Variants in CSNK2A1 observed in about 807,000 individuals in gnomAD.
CSNK2A1 encodes the protein casein kinase II subunit alpha.
A neutral mutation model predicts 62.9 loss-of-function variants in CSNK2A1; 10 were observed. The observed-to-expected ratio is 0.16, with a 90% CI of 0.10 to 0.27. The LOEUF (loss-of-function observed/expected upper bound fraction) is 0.27, where lower values mean the gene tolerates loss of function less well. Among genes scored for constraint, CSNK2A1 ranks in the 10% least tolerant of loss-of-function variants. The pLI is 1.00. For missense variants in CSNK2A1, 160 were observed against 492.0 expected (o/e 0.33, Z 6.38); for synonymous variants, 124 against 167.8 (o/e 0.74, Z 2.02).
intron 2 of CSNK2A1, among the ~76,000 whole-genome samples, chr20:519,090 C>CAT (rs2018890446): frequency 6.6e-6 from 1 of 151,960 alleles, no homozygotes; most frequent in Non-Finnish European, 1.5e-5. Flanking sequence ...TGCATGCCAC[C>CAT]ATGCCCGGCT....
At chr20:505,626 T>A (rs975655740) in intron 3 of CSNK2A1, among the ~76,000 whole-genome samples, 1 of 151,280 alleles carries the variant, frequency 6.6e-6, no homozygotes, top group African/African-American at 2.4e-5. Flanking sequence ...CCTCCCAAAG[T>A]GCTGGGATTA....
At chr20:500,209 A>G in intron 4 of CSNK2A1, 1 of 357,718 alleles carries the variant, frequency 2.8e-6, no homozygotes, top group Non-Finnish European at 5.1e-6. Flanking sequence ...TCTTGATGTT[A>G]ATGTTTTAAA....
In CSNK2A1 at chr20:499,743, T is replaced by C; in HGVS notation, c.315+90A>G. 8.4e-7 allele frequency: 1 copy of C among 1,184,882 alleles called. No individual in the cohort carries two copies. 73.4% of individuals were successfully genotyped at this position (1,184,882 alleles called of 1,614,324 possible). ...TCAAAGCAGGACTTAATGATGAGGG[T>C]TGGGGGAGGGAACAAAAAGAGGCCA... On this transcript the variant is annotated intron_variant, in intron 5 of 13. Coordinates refer to ENST00000217244, the MANE Select transcript of CSNK2A1 (RefSeq NM_177559.3). The surrounding 1 kb of genome is among the most constrained non-coding windows in gnomAD (Gnocchi z 4.2).
chr20:511,345 A>T lies in CSNK2A1; in HGVS notation c.-109-2685T>A, dbSNP rs185607689. Reference sequence around the variant, plus strand: ...ACAGGAGAGAGACCTCATCTAAAAAAAATAAAAACTGCCATTTTATCCACA... The same window carrying T: ...ACAGGAGAGAGACCTCATCTAAAAATAATAAAAACTGCCATTTTATCCACA... On this transcript the variant is annotated intron_variant, in intron 2 of 13. Coordinates refer to ENST00000217244, the MANE Select transcript of CSNK2A1 (RefSeq NM_177559.3). Among the ~76,000 whole-genome samples the T allele has an allele frequency of 5.3e-5, 8 of 152,278 alleles. No individual in the cohort carries two copies. The East Asian group carries it at 1.6e-3, about 30-fold the overall frequency.
Position 480,793 on chromosome 20 carries a change from C to T in CSNK2A1, c.*3168G>A, listed in dbSNP as rs935574872. On this transcript the variant is annotated 3_prime_UTR_variant, in exon 14 of 14. Coordinates refer to ENST00000217244, the MANE Select transcript of CSNK2A1 (RefSeq NM_177559.3). ...TCAAGAGATGCTTAAATGGTCAATT[C>T]TAATTATAACCATACTTGTCAAAAG... 1 of 152,158 alleles carries T rather than the reference C, an allele frequency of 6.6e-6. No individual in the cohort carries two copies. Among genetic ancestry groups the T allele is most frequent in the Admixed American group, 6.5e-5 (1 of 15,272 alleles). 9.4% of individuals were successfully genotyped at this position (152,158 alleles called of 1,614,324 possible).
chr20:505,088 A>G (rs1235074421), intron 4 of CSNK2A1, 30 bp downstream of exon 4: 1 of 1,556,054 alleles, frequency 6.4e-7, no homozygotes. Flanking sequence ...CTATATTCCA[A>G]ATACCTCTGA....
intron 11 of CSNK2A1, chr20:487,841 C>T (rs1023869451): frequency 1.9e-5 from 9 of 485,836 alleles, no homozygotes; most frequent in South Asian, 4.9e-5. Context: ...AGGACGTGAC[C>T]GCTTCTGTGT....
intron 3 of CSNK2A1, chr20:506,067 G>GGC (rs2018584369): frequency 1.3e-5 from 2 of 151,526 alleles, no homozygotes; most frequent in Admixed American, 6.6e-5. Flanking sequence ...TAGTAAAGAC[G>GGC]GGGTTTCACC....
rs2017868642 is a variant in CSNK2A1, at chr20:477,418, TCCCGGCTCCCAAA to T, written c.*6530_*6542del. 1 of 152,326 alleles carries T rather than the reference TCCCGGCTCCCAAA, an allele frequency of 6.6e-6. No homozygotes were observed. The highest frequency in any genetic ancestry group is 1.9e-4 in the East Asian group (1 of 5,186). 9.4% of individuals were successfully genotyped at this position (152,326 alleles called of 1,614,324 possible). On this transcript the variant is annotated 3_prime_UTR_variant, in exon 14 of 14. Transcript: ENST00000217244. ...CATGTTGTCCAGGCTGGTCTGGGAC[TCCCGGCTCCCAAA>T]GTGTTCCAACCACAGGTGTGTGGGC...
In CSNK2A1 at chr20:481,720, A is replaced by T. The variant is rs1239422106; in HGVS notation, c.*2241T>A. ...AGCTACACCTCAATTTCCGAGCTAC[A>T]AGGATAGGGTATGAAGTCTTGATTT... On this transcript the variant is annotated 3_prime_UTR_variant, in exon 14 of 14. Coordinates refer to ENST00000217244, the MANE Select transcript of CSNK2A1 (RefSeq NM_177559.3). 6.6e-6 allele frequency: 1 copy of T among 152,030 alleles called. No homozygotes were observed. Among genetic ancestry groups the T allele is most frequent in the Non-Finnish European group, 1.5e-5 (1 of 68,008 alleles). The allele number at this position is 152,030 out of a possible 1,614,324, so 9.4% of individuals were successfully genotyped here. A position where few individuals can be genotyped will look rare whatever the true frequency, so the allele number is the denominator to read the frequency against.
chr20:539,970 C>T (rs1756610961), intron 1 of CSNK2A1: 1 of 152,160 alleles, frequency 6.6e-6, no homozygotes, highest in African/African-American at 2.4e-5. Context: ...GAAAACAGAG[C>T]CTCCGGTCCA....
intron 2 of CSNK2A1, among the ~76,000 whole-genome samples, chr20:508,881 A>G (rs1451061714): frequency 6.6e-6 from 1 of 152,248 alleles, no homozygotes; most frequent in Non-Finnish European, 1.5e-5. Flanking sequence ...TATTTTGCCA[A>G]ATATCCTGTT....
chr20:521,929 G>A (rs1600403661), intron 2 of CSNK2A1, among the ~76,000 whole-genome samples: 1 of 152,292 alleles, frequency 6.6e-6, no homozygotes, highest in East Asian at 1.9e-4. Context: ...AGAAACAAAA[G>A]CCTACATATT....
At chr20:540,184 T>G (rs1269391602) in intron 1 of CSNK2A1, among the ~76,000 whole-genome samples, 2 of 152,220 alleles carry the variant, frequency 1.3e-5, no homozygotes, top group African/African-American at 4.8e-5. Context: ...ACAGCCCTAT[T>G]ACTTTCTGTC....
rs73892428 is a variant in CSNK2A1, at chr20:509,480, T to C, written c.-109-820A>G. Among the ~76,000 whole-genome samples, 1,274 of 152,340 alleles carry C rather than the reference T, an allele frequency of 8.4e-3. 30 individuals carry two copies. The highest frequency in any genetic ancestry group is 0.028 in the African/African-American group (1,170 of 41,578). Reference sequence around the variant, plus strand: ...GTGCTGATTCCCCTCATTATGCATTTAGATGAAATTGTATTGAGTCTCCAG... The same window carrying C: ...GTGCTGATTCCCCTCATTATGCATTCAGATGAAATTGTATTGAGTCTCCAG... On this transcript the variant is annotated intron_variant, in intron 2 of 13. Coordinates refer to ENST00000217244, the MANE Select transcript of CSNK2A1 (RefSeq NM_177559.3).
In CSNK2A1 at chr20:526,064, C is replaced by T. The variant is rs1219383748; in HGVS notation, c.-110+1869G>A. On this transcript the variant is annotated intron_variant, in intron 2 of 13. Coordinates refer to ENST00000217244, the MANE Select transcript of CSNK2A1 (RefSeq NM_177559.3). ...GCAAACTAAAAATTAAGAACTTACA[C>T]ATATCTCAATAAATTTGAAAACAGA... is the stretch of plus-strand genomic sequence containing the variant. Among the ~76,000 whole-genome samples, 3 of 151,926 alleles carry T rather than the reference C, an allele frequency of 2.0e-5. No homozygotes were observed. In the East Asian group the frequency reaches 5.8e-4, roughly 29 times the overall value.
chr20:503,968 A>C (rs2018522244), intron 4 of CSNK2A1, among the ~76,000 whole-genome samples: 1 of 152,196 alleles, frequency 6.6e-6, no homozygotes, highest in African/African-American at 2.4e-5. Context: ...ACCTGAGGTC[A>C]GGAGTTTGAG....
intron 2 of CSNK2A1, chr20:527,005 G>GACAGAC (rs1568559171): frequency 4.9e-5 from 3 of 61,408 alleles, no homozygotes; most frequent in African/African-American, 2.5e-4. Context: ...GACAGACAGA[G>GACAGAC]AGAGAGAGAG....
chr20:542,852 A>G (rs1288880174), intron 1 of CSNK2A1, among the ~76,000 whole-genome samples: 2 of 152,176 alleles, frequency 1.3e-5, no homozygotes, highest in Non-Finnish European at 2.9e-5. Context: ...CCTCCACACA[A>G]AGCAATAGCC....
Sources: gnomAD v4.1 joint callset for allele counts (sites outside exome capture counted in the v4.1 genomes callset) on GRCh38, gnomAD v4.1.1 for gene constraint, Gnocchi (gnomAD v3.1) non-coding constraint, MANE v1.5 for transcripts, NCBI Gene and HGNC (gene_info 2026-07-23, HGNC 2026-07-21) for gene names.